The following DACH2 variants were observed in gnomAD, a reference collection of about 807,000 sequenced individuals.
DACH2 encodes the protein dachshund family transcription factor 2, also known as dachshund homolog 2.
A neutral mutation model predicts 35.8 loss-of-function variants in DACH2; 17 were observed. The observed-to-expected ratio is 0.48, with a 90% CI of 0.33 to 0.71. The LOEUF is 0.71. Among genes scored for constraint, DACH2 ranks in the 30% least tolerant of loss-of-function variants. The probability of loss-of-function intolerance (pLI) is 0.02; values close to 1 mark genes in which losing one functional copy is unlikely to be tolerated. For synonymous variants in DACH2, 195 were observed against 177.3 expected (o/e 1.10, Z -0.79); for missense variants, 469 against 472.7 (o/e 0.99, Z 0.07).
chrX:86,546,603 G>A (rs1459214521), intron 3 of DACH2, among the ~76,000 whole-genome samples: 5 of 98,115 alleles, frequency 5.1e-5, no homozygotes, highest in South Asian at 4.8e-4. Context: ...CAACCTCTGC[G>A]TCCCGGGTCC....
chrX:86,288,912 A>G (rs1049952072), intron 1 of DACH2, among the ~76,000 whole-genome samples: 1 of 111,294 alleles, frequency 9.0e-6, no homozygotes, highest in Non-Finnish European at 1.9e-5. Flanking sequence ...GTAGTGAGAC[A>G]AAGTCTCATT....
intron 2 of DACH2, among the ~76,000 whole-genome samples, chrX:86,415,949 G>T (rs1266663345): frequency 8.9e-6 from 1 of 111,842 alleles, no homozygotes; most frequent in Non-Finnish European, 1.9e-5. Context: ...GTACTCATTG[G>T]TTTTATTATC....
intron 7 of DACH2, among the ~76,000 whole-genome samples, chrX:86,774,157 C>T (rs1245673538): frequency 8.9e-6 from 1 of 111,822 alleles, no homozygotes; most frequent in Non-Finnish European, 1.9e-5. Flanking sequence ...CTTAATAACT[C>T]AAGTTTAGAA....
intron 1 of DACH2, among the ~76,000 whole-genome samples, chrX:86,325,261 G>A (rs1206748359): frequency 6.3e-5 from 7 of 111,884 alleles, no homozygotes; most frequent in Admixed American, 1.9e-4. Flanking sequence ...TTTCATGTCA[G>A]TATACACTTG....
chrX:86,481,098 G>C (rs1266493513), intron 2 of DACH2: 1 of 111,815 alleles, frequency 8.9e-6, no homozygotes, highest in Admixed American at 9.5e-5. Context: ...TTCTCTACAA[G>C]GCATGCACAT....
chrX:86,749,861 A>G (rs1478898790), intron 7 of DACH2, among the ~76,000 whole-genome samples: 1 of 111,467 alleles, frequency 9.0e-6, no homozygotes, highest in Non-Finnish European at 1.9e-5. Context: ...TGTTTTGTTA[A>G]TTTTAATTTC....
At chrX:86,462,070 A>T (rs1351520601) in intron 2 of DACH2, among the ~76,000 whole-genome samples, 1 of 111,234 alleles carries the variant, frequency 9.0e-6, no homozygotes, top group African/African-American at 3.3e-5. Flanking sequence ...AATGTCACTG[A>T]AGGGTTACCA....
intron 7 of DACH2, among the ~76,000 whole-genome samples, chrX:86,786,004 A>G (rs145158215): frequency 0.064 from 7,118 of 111,089 alleles, 236 homozygotes; most frequent in East Asian, 0.13. Context: ...ATAGGAATAT[A>G]CAGGAATCTA....
At chrX:86,671,633 T>A (rs1397235777) in intron 4 of DACH2, among the ~76,000 whole-genome samples, 1 of 111,839 alleles carries the variant, frequency 8.9e-6, no homozygotes, top group African/African-American at 3.3e-5. Context: ...TCCTGAGACC[T>A]CCACACCCAG....
chrX:86,797,959 C>T (rs994621717), intron 7 of DACH2, among the ~76,000 whole-genome samples: 1 of 112,243 alleles, frequency 8.9e-6, no homozygotes, highest in Non-Finnish European at 1.9e-5. Context: ...TTCTCATGAA[C>T]GTCTTAAATA....
intron 1 of DACH2, among the ~76,000 whole-genome samples, chrX:86,288,720 A>G (rs1028548974): frequency 1.8e-5 from 2 of 110,808 alleles, no homozygotes; most frequent in Admixed American, 9.6e-5. Flanking sequence ...TTTCCTTAAG[A>G]CCCAGGGCTG....
At chrX:86,491,052 G>A (rs1244547863) in intron 2 of DACH2, among the ~76,000 whole-genome samples, 2 of 111,378 alleles carry the variant, frequency 1.8e-5, no homozygotes, top group Non-Finnish European at 3.8e-5. Context: ...CACAAAATCA[G>A]CCTAATTATC....
intron 2 of DACH2, among the ~76,000 whole-genome samples, chrX:86,395,435 G>T (rs952103531): frequency 9.1e-6 from 1 of 109,923 alleles, no homozygotes. Flanking sequence ...TGTGCACAAC[G>T]TGCAGGTTTG....
chrX:86,281,325 C>T (rs385660), intron 1 of DACH2, among the ~76,000 whole-genome samples: 1 of 109,915 alleles, frequency 9.1e-6, no homozygotes, highest in East Asian at 2.9e-4. Flanking sequence ...CGTCATCCCT[C>T]GGATGCAAGG....
At chrX:86,449,991 T>C (rs2037343229) in intron 2 of DACH2, among the ~76,000 whole-genome samples, 1 of 111,643 alleles carries the variant, frequency 9.0e-6, no homozygotes, top group Admixed American at 9.6e-5. Flanking sequence ...TTCAAATGAT[T>C]TCAGGTTACT....
At chrX:86,274,587 C>T (rs1266567496) in intron 1 of DACH2, among the ~76,000 whole-genome samples, 1 of 102,202 alleles carries the variant, frequency 9.8e-6, no homozygotes, top group African/African-American at 3.6e-5. Flanking sequence ...CTCCGCCTCC[C>T]GGGTTCACGC....
rs2041390905 is a variant in DACH2, at chrX:86,720,416, TG to T, written c.1104+5699del. 2.7e-5 allele frequency among the ~76,000 whole-genome samples: 3 copies of T among 111,633 alleles called. No individual in the cohort carries two copies. The South Asian group carries it at 1.1e-3, about 42-fold the overall frequency. ...ATTGGGCAAATACACTCATTCCAAA[TG>T]GGAGAAATTCAGCCAAAACAAAGGA... On this transcript the variant is annotated intron_variant, in intron 6 of 11. Coordinates refer to ENST00000373125, the MANE Select transcript of DACH2 (RefSeq NM_053281.3).
At chrX:86,775,656 A>G (rs746945572) in intron 7 of DACH2, among the ~76,000 whole-genome samples, 14 of 111,975 alleles carry the variant, frequency 1.3e-4, no homozygotes, top group Non-Finnish European at 2.3e-4. Flanking sequence ...CTCAGTTCAT[A>G]CTGTTATTAA....
At chrX:86,401,739 A>T (rs1045459203) in intron 2 of DACH2, among the ~76,000 whole-genome samples, 38 of 110,696 alleles carry the variant, frequency 3.4e-4, no homozygotes, top group East Asian at 2.8e-3. Context: ...GAAAAAAAAA[A>T]AACTTCAGAT....
Sources: gnomAD v4.1 joint callset for allele counts (sites outside exome capture counted in the v4.1 genomes callset) on GRCh38, gnomAD v4.1.1 for gene constraint, MANE v1.5 for transcripts, NCBI Gene and HGNC (gene_info 2026-07-23, HGNC 2026-07-21) for gene names.